The following NAALADL2 variants were observed in gnomAD, a reference collection of about 807,000 sequenced individuals.
NAALADL2 encodes the protein N-acetylated alpha-linked acidic dipeptidase like 2, also known as inactive N-acetylated-alpha-linked acidic dipeptidase-like protein 2.
In NAALADL2, 76 loss-of-function variants were observed where a neutral mutation model predicts 87.2. The observed-to-expected ratio is 0.87, with a 90% CI of 0.72 to 1.05. The LOEUF (loss-of-function observed/expected upper bound fraction) is 1.05, where lower values mean the gene tolerates loss of function less well. Ranked by LOEUF, NAALADL2 falls within the 50% of genes least tolerant of loss-of-function variation. The pLI is 0.00. For synonymous variants in NAALADL2, 354 were observed against 331.0 expected, an observed-to-expected ratio of 1.07 and a Z score of -0.75; for missense variants, 1,089 against 945.8, an observed-to-expected ratio of 1.15 and a Z score of -1.99.
chr3:174,443,534 A>G (rs1310166117), intron 1 of NAALADL2, among the ~76,000 whole-genome samples: 3 of 152,194 alleles, frequency 2.0e-5, no homozygotes, highest in African/African-American at 7.2e-5. Flanking sequence ...TAGATATCCA[A>G]ATGGAAATGT....
At chr3:175,323,760 G>T (rs986326738) in intron 4 of NAALADL2, among the ~76,000 whole-genome samples, 3 of 151,914 alleles carry the variant, frequency 2.0e-5, no homozygotes, top group South Asian at 4.1e-4. Flanking sequence ...GCTCACGCCT[G>T]TAATCCCAGC....
At chr3:175,543,213 A>G (rs543431247) in intron 9 of NAALADL2, among the ~76,000 whole-genome samples, 12 of 152,112 alleles carry the variant, frequency 7.9e-5, no homozygotes, top group Non-Finnish European at 1.2e-4. Flanking sequence ...AACTCCTCCC[A>G]TATCTTGCAA....
intron 2 of NAALADL2, among the ~76,000 whole-genome samples, chr3:174,653,466 T>A (rs1196417837): frequency 6.6e-6 from 1 of 152,184 alleles, no homozygotes; most frequent in Non-Finnish European, 1.5e-5. Flanking sequence ...AAGATTTCTA[T>A]CCTTTGGGAC....
chr3:174,771,064 ACTGAATTT>A lies in NAALADL2; in HGVS notation c.-9+33321_-9+33328del, dbSNP rs982229509. On this transcript the variant is annotated intron_variant, in intron 3 of 3. Transcript: ENST00000434257. ...ATATACAAATTATGAAGTCTGAATT[ACTGAATTT>A]CTTCGATGTTCAAATATCTGGGTGT... is the stretch of plus-strand genomic sequence containing the variant. 1.3e-4 allele frequency among the ~76,000 whole-genome samples: 20 copies of A among 152,130 alleles called. 1 individual carries two copies. The highest frequency in any genetic ancestry group is 1.2e-3 in the East Asian group (6 of 5,186).
chr3:174,592,211 T>C (rs1241187608), intron 2 of NAALADL2, among the ~76,000 whole-genome samples: 1 of 150,930 alleles, frequency 6.6e-6, no homozygotes, highest in East Asian at 2.0e-4. Context: ...TATTTCTTTT[T>C]ATTTATTTAT....
At chr3:174,920,028 C>A (rs1052833387) in intron 1 of NAALADL2, among the ~76,000 whole-genome samples, 2 of 152,146 alleles carry the variant, frequency 1.3e-5, no homozygotes, top group African/African-American at 2.4e-5. Context: ...ATTCAGTAGA[C>A]CATGCTATAA....
chr3:174,621,368 CAGATTAGAG>C, intron 2 of NAALADL2, among the ~76,000 whole-genome samples: 1 of 152,138 alleles, frequency 6.6e-6, no homozygotes, highest in African/African-American at 2.4e-5. Flanking sequence ...CATTTTCTGA[CAGATTAGAG>C]AGATTATCAC....
chr3:174,739,927 A>C (rs1280881512), intron 3 of NAALADL2, among the ~76,000 whole-genome samples: 1 of 152,086 alleles, frequency 6.6e-6, no homozygotes, highest in Admixed American at 6.5e-5. Flanking sequence ...AACAATAAAC[A>C]TATAAATGAA....
chr3:175,687,165 A>G (rs1380509987), intron 11 of NAALADL2, among the ~76,000 whole-genome samples: 1 of 152,200 alleles, frequency 6.6e-6, no homozygotes, highest in East Asian at 1.9e-4. Context: ...AAACTCAATA[A>G]CAAATTATCT....
At chr3:174,917,761 C>T (rs555577935) in intron 1 of NAALADL2, among the ~76,000 whole-genome samples, 2 of 151,122 alleles carry the variant, frequency 1.3e-5, no homozygotes, top group African/African-American at 2.4e-5. Context: ...TTTGAGCCAC[C>T]AATTTTAGGG....
intron 2 of NAALADL2, among the ~76,000 whole-genome samples, chr3:175,106,713 T>C (rs1254967573): frequency 6.6e-6 from 1 of 152,028 alleles, no homozygotes; most frequent in Non-Finnish European, 1.5e-5. Flanking sequence ...CACGTTCCTG[T>C]TTAATGTCAA....
intron 1 of NAALADL2, chr3:174,540,803 G>A (rs762004829): frequency 6.6e-6 from 1 of 152,200 alleles, no homozygotes; most frequent in Non-Finnish European, 1.5e-5. Context: ...ATGATACAAT[G>A]TGACTCTTGA....
At chr3:175,079,541 A>T (rs560715027) in intron 1 of NAALADL2, 8 of 152,234 alleles carry the variant, frequency 5.3e-5, no homozygotes, top group South Asian at 2.1e-4. Context: ...ATTTTGAAAA[A>T]TTTTTCTAAC....
intron 2 of NAALADL2, among the ~76,000 whole-genome samples, chr3:174,599,383 T>C (rs575098966): frequency 9.2e-5 from 14 of 152,262 alleles, no homozygotes; most frequent in African/African-American, 3.4e-4. Flanking sequence ...ACCTTCTAGA[T>C]GGTGAATTGA....
chr3:175,072,103 G>C (rs1477894994), intron 1 of NAALADL2, among the ~76,000 whole-genome samples: 1 of 151,958 alleles, frequency 6.6e-6, no homozygotes, highest in Non-Finnish European at 1.5e-5. Flanking sequence ...ATAAGCTCTA[G>C]AGTTTGCCAT....
intron 5 of NAALADL2, among the ~76,000 whole-genome samples, chr3:175,367,679 T>C (rs1019490533): frequency 6.6e-6 from 1 of 152,142 alleles, no homozygotes; most frequent in Non-Finnish European, 1.5e-5. Flanking sequence ...TGTATAAGAA[T>C]GCTTGTGATT....
intron 4 of NAALADL2, among the ~76,000 whole-genome samples, chr3:175,271,894 T>A (rs1418527705): frequency 6.6e-6 from 1 of 152,216 alleles, no homozygotes; most frequent in East Asian, 1.9e-4. Flanking sequence ...GATTAAATAC[T>A]GGAAAAACTT....
intron 1 of NAALADL2, among the ~76,000 whole-genome samples, chr3:174,921,508 A>G (rs377338286): frequency 6.6e-6 from 1 of 152,168 alleles, no homozygotes; most frequent in Non-Finnish European, 1.5e-5. Context: ...CACTTAGAAA[A>G]TAACTTCTAA....
intron 1 of NAALADL2, among the ~76,000 whole-genome samples, chr3:174,907,926 A>G (rs1053068295): frequency 7.9e-5 from 12 of 152,126 alleles, no homozygotes; most frequent in African/African-American, 2.7e-4. Context: ...ATTTAACAAC[A>G]TAATGTGTAC....
Sources: gnomAD v4.1 joint callset for allele counts (sites outside exome capture counted in the v4.1 genomes callset) on GRCh38, gnomAD v4.1.1 for gene constraint, MANE v1.5 for transcripts, NCBI Gene and HGNC (gene_info 2026-07-23, HGNC 2026-07-21) for gene names.